Variants in TRABD2B observed in about 807,000 individuals in gnomAD.
TRABD2B encodes the protein TraB domain containing 2B, also known as metalloprotease TIKI2.
In TRABD2B, 14 loss-of-function variants were observed where a neutral mutation model predicts 40.1. The observed-to-expected ratio is 0.35, with a 90% CI of 0.23 to 0.55. The LOEUF is 0.55. Ranked by LOEUF, TRABD2B falls within the 20% of genes least tolerant of loss-of-function variation. The pLI, the probability that TRABD2B is intolerant of heterozygous loss-of-function variation, is 0.90. For missense variants in TRABD2B, 541 were observed against 648.6 expected, an observed-to-expected ratio of 0.83 and a Z score of 1.80; for synonymous variants, 263 against 277.0, an observed-to-expected ratio of 0.95 and a Z score of 0.50.
At chr1:47,793,382 G>A (rs984936311) in intron 4 of TRABD2B, among the ~76,000 whole-genome samples, 3 of 152,232 alleles carry the variant, frequency 2.0e-5, no homozygotes, top group Non-Finnish European at 2.9e-5. Flanking sequence ...TCTCTACTAC[G>A]TGAGGGCTGC....
At chr1:47,769,779 GA>G (rs1263720104) in intron 6 of TRABD2B, among the ~76,000 whole-genome samples, 1 of 152,182 alleles carries the variant, frequency 6.6e-6, no homozygotes, top group African/African-American at 2.4e-5. Context: ...TGCTTGGGCA[GA>G]AGGCAGAAGC....
At chr1:47,951,037 G>A (rs997511563) in intron 2 of TRABD2B, among the ~76,000 whole-genome samples, 17 of 152,184 alleles carry the variant, frequency 1.1e-4, no homozygotes, top group Admixed American at 9.8e-4. Flanking sequence ...GTCCCAAACA[G>A]AGATCTGGAG....
chr1:47,907,654 T>C (rs1644696976), intron 2 of TRABD2B, among the ~76,000 whole-genome samples: 1 of 152,168 alleles, frequency 6.6e-6, no homozygotes, highest in South Asian at 2.1e-4. Context: ...CACTCATGTT[T>C]GTTCTCACTC....
chr1:47,909,698 C>A (rs951749761), intron 2 of TRABD2B, among the ~76,000 whole-genome samples: 1 of 149,936 alleles, frequency 6.7e-6, no homozygotes, highest in Non-Finnish European at 1.5e-5. Context: ...CATGAAGGAT[C>A]CGCCTCCATG....
chr1:47,861,046 T>A (rs890116886), intron 2 of TRABD2B, among the ~76,000 whole-genome samples: 4 of 152,174 alleles, frequency 2.6e-5, no homozygotes, highest in African/African-American at 9.7e-5. Flanking sequence ...GATCATCTCT[T>A]CCAATTCTCT....
chr1:47,874,320 C>T (rs1483043939), intron 2 of TRABD2B, among the ~76,000 whole-genome samples: 3 of 128,102 alleles, frequency 2.3e-5, no homozygotes, highest in African/African-American at 8.9e-5. Flanking sequence ...CTGCGGACTG[C>T]GGACTGCAGT....
chr1:47,949,401 C>CTTT (rs35027686), intron 2 of TRABD2B, among the ~76,000 whole-genome samples: 968 of 80,230 alleles, frequency 0.012, 8 homozygotes, highest in Non-Finnish European at 0.014. Context: ...TCTTTTCTTT[C>CTTT]TTTTTTTTTT....
At chr1:47,890,306 A>G (rs564996173) in intron 2 of TRABD2B, among the ~76,000 whole-genome samples, 3 of 152,324 alleles carry the variant, frequency 2.0e-5, no homozygotes, top group Admixed American at 6.5e-5. Flanking sequence ...AGGGTGGCCA[A>G]TGCCTAACAC....
At chr1:47,802,939 C>T (rs1644842156) in intron 2 of TRABD2B, among the ~76,000 whole-genome samples, 2 of 152,184 alleles carry the variant, frequency 1.3e-5, no homozygotes, top group South Asian at 2.1e-4. Context: ...AACCTGGACC[C>T]TGCTATGGTC....
chr1:47,965,965 GA>G (rs1394634061), intron 2 of TRABD2B, among the ~76,000 whole-genome samples: 8 of 152,118 alleles, frequency 5.3e-5, no homozygotes, highest in African/African-American at 1.9e-4. Context: ...TATGAAGGGG[GA>G]AATAACCTAA....
chr1:47,767,156 G>C (rs1644315848), intron 6 of TRABD2B, among the ~76,000 whole-genome samples: 1 of 152,186 alleles, frequency 6.6e-6, no homozygotes, highest in South Asian at 2.1e-4. Context: ...GGAGACCTGT[G>C]GACGAGAGGG....
chr1:47,962,106 T>C (rs1432542946), intron 2 of TRABD2B, among the ~76,000 whole-genome samples: 3 of 151,256 alleles, frequency 2.0e-5, no homozygotes, highest in East Asian at 3.9e-4. Flanking sequence ...AGCAAACTAT[T>C]GCAACGACAG....
At chr1:47,861,039 C>T (rs1318775790) in intron 2 of TRABD2B, among the ~76,000 whole-genome samples, 2 of 152,164 alleles carry the variant, frequency 1.3e-5, no homozygotes, top group African/African-American at 4.8e-5. Flanking sequence ...CCTTGGTGAT[C>T]ATCTCTTCCA....
At chr1:47,778,683 G>A (rs1644480748) in intron 4 of TRABD2B, 139 bp from the exon 5 acceptor site, 5 of 667,944 alleles carry the variant, frequency 7.5e-6, no homozygotes, top group South Asian at 3.4e-5. Context: ...CTGAGAGGCA[G>A]TATAGCATAG....
chr1:47,800,154 T>C (rs1265517865), intron 3 of TRABD2B, among the ~76,000 whole-genome samples: 2 of 151,998 alleles, frequency 1.3e-5, no homozygotes, highest in Non-Finnish European at 2.9e-5. Context: ...GAGCTTATGA[T>C]CTAGTAGGGA....
At chr1:47,990,048 C>T (rs1225836864) in intron 2 of TRABD2B, among the ~76,000 whole-genome samples, 1 of 152,178 alleles carries the variant, frequency 6.6e-6, no homozygotes, top group Admixed American at 6.5e-5. Context: ...TGCATAGAGA[C>T]AAAACTCAAT....
At chr1:47,792,774 C>A (rs1386005705) in intron 4 of TRABD2B, among the ~76,000 whole-genome samples, 2 of 152,130 alleles carry the variant, frequency 1.3e-5, no homozygotes, top group Non-Finnish European at 2.9e-5. Context: ...CTGGGGCAGG[C>A]AGGACTACTC....
intron 2 of TRABD2B, among the ~76,000 whole-genome samples, chr1:47,989,131 G>T (rs114048408): frequency 1.3e-5 from 2 of 152,120 alleles, no homozygotes; most frequent in Non-Finnish European, 2.9e-5. Flanking sequence ...CACAAAATCC[G>T]CTGGTACCTT....
At chr1:47,958,652 G>A (rs969891174) in intron 2 of TRABD2B, among the ~76,000 whole-genome samples, 11 of 151,860 alleles carry the variant, frequency 7.2e-5, no homozygotes, top group East Asian at 3.9e-4. Context: ...ATTCAACAAG[G>A]AGAGCTAACT....
Sources: gnomAD v4.1 joint callset for allele counts (sites outside exome capture counted in the v4.1 genomes callset) on GRCh38, gnomAD v4.1.1 for gene constraint, MANE v1.5 for transcripts, NCBI Gene and HGNC (gene_info 2026-07-23, HGNC 2026-07-21) for gene names.